The following SPIRE1 variants were observed in gnomAD, a reference collection of about 807,000 sequenced individuals.
SPIRE1 encodes the protein spire type actin nucleation factor 1.
Under a neutral mutation model 94.1 loss-of-function variants are expected in SPIRE1, and 40 were observed. The ratio of observed to expected loss-of-function variants is 0.43; its 90% CI spans 0.33 to 0.55. The LOEUF (loss-of-function observed/expected upper bound fraction) is 0.55, where lower values mean the gene tolerates loss of function less well. Ranked by LOEUF, SPIRE1 falls within the 20% of genes least tolerant of loss-of-function variation. The pLI is 0.06. For missense variants in SPIRE1, 838 were observed against 975.2 expected (o/e 0.86, Z 1.87); for synonymous variants, 376 against 371.7 (o/e 1.01, Z -0.13).
At chr18:12,643,582 T>A (rs1463740237) in intron 1 of SPIRE1, among the ~76,000 whole-genome samples, 1 of 152,018 alleles carries the variant, frequency 6.6e-6, no homozygotes, top group Non-Finnish European at 1.5e-5. Context: ...AAGCCCTAAT[T>A]CCCTTTAGTT....
intron 13 of SPIRE1, 25 bp from the exon 14 acceptor site, chr18:12,453,163 A>C: frequency 1.9e-6 from 3 of 1,557,746 alleles, no homozygotes; most frequent in Non-Finnish European, 8.7e-7. Flanking sequence ...TTTAAGAGGA[A>C]AAAAAACATT....
Position 12,636,156 on chromosome 18 carries a change from G to A in SPIRE1, c.338-1060C>T, listed in dbSNP as rs555557205. 3.3e-5 allele frequency among the ~76,000 whole-genome samples: 5 copies of A among 152,248 alleles called. No individual in the cohort carries two copies. In the South Asian group the frequency reaches 8.3e-4, roughly 25 times the overall value. On this transcript the variant is annotated intron_variant, in intron 1 of 16. Transcript: ENST00000409402. ...GATCTGCCTGCCTCGGCCTCCCAAAGTGCTGGGATTACAGGCGTGAGCCAC... is the reference window on the plus strand; with the variant it reads ...GATCTGCCTGCCTCGGCCTCCCAAAATGCTGGGATTACAGGCGTGAGCCAC...
At chr18:12,642,839 G>A (rs1185447624) in intron 1 of SPIRE1, among the ~76,000 whole-genome samples, 1 of 152,114 alleles carries the variant, frequency 6.6e-6, no homozygotes, top group African/African-American at 2.4e-5. Flanking sequence ...CCTAGATCAC[G>A]GGTTGACAGG....
intron 3 of SPIRE1, among the ~76,000 whole-genome samples, chr18:12,536,711 A>G (rs186941148): frequency 1.6e-4 from 24 of 152,316 alleles, no homozygotes; most frequent in Admixed American, 1.4e-3. Context: ...AGTATCATGC[A>G]AAGCAATTCA....
At chr18:12,605,414 G>A (rs1445151393) in intron 2 of SPIRE1, among the ~76,000 whole-genome samples, 1 of 152,178 alleles carries the variant, frequency 6.6e-6, no homozygotes, top group Non-Finnish European at 1.5e-5. Context: ...GCTGAGGCAG[G>A]GGAATCGCTT....
intron 10 of SPIRE1, among the ~76,000 whole-genome samples, chr18:12,465,176 T>G (rs1265415112): frequency 1.3e-5 from 2 of 152,064 alleles, no homozygotes; most frequent in East Asian, 1.9e-4. Context: ...AAACTGAGCA[T>G]GCTTCTTTCT....
Position 12,477,270 on chromosome 18 carries a change from C to T in SPIRE1, c.1404+2429G>A, listed in dbSNP as rs530554343. On this transcript the variant is annotated intron_variant, in intron 10 of 16. Transcript: ENST00000409402. ...TGCAGATTGGTGCCACCCAACCAAA[C>T]TCTGTGAAGGGACTGTGATCTGTGT... Among the ~76,000 whole-genome samples, 150 of 152,276 alleles carry T rather than the reference C, an allele frequency of 9.9e-4. 1 individual carries two copies. Among genetic ancestry groups the T allele is most frequent in the Non-Finnish European group, 1.8e-3 (124 of 68,028 alleles).
chr18:12,568,149 T>C (rs1281374437), intron 2 of SPIRE1, among the ~76,000 whole-genome samples: 2 of 152,226 alleles, frequency 1.3e-5, no homozygotes, highest in Non-Finnish European at 2.9e-5. Context: ...ACTTCAAGGA[T>C]GCTGGGGTTC....
chr18:12,464,724 T>C (rs896841927), intron 11 of SPIRE1, 144 bp downstream of exon 11: 29 of 630,858 alleles, frequency 4.6e-5, no homozygotes, highest in Non-Finnish European at 7.2e-5. Context: ...GGAAAATAAG[T>C]ATTTCATCTC....
intron 2 of SPIRE1, among the ~76,000 whole-genome samples, chr18:12,632,519 AC>A (rs1382999688): frequency 7.2e-5 from 11 of 152,114 alleles, no homozygotes; most frequent in Non-Finnish European, 1.3e-4. Flanking sequence ...TATCTTAATT[AC>A]CAAAGTAATA....
At chr18:12,581,488 C>T (rs765867536) in intron 2 of SPIRE1, among the ~76,000 whole-genome samples, 1 of 152,164 alleles carries the variant, frequency 6.6e-6, no homozygotes, top group Non-Finnish European at 1.5e-5. Flanking sequence ...AAAAGCCACA[C>T]TATTTTTACT....
chr18:12,656,927 A>G (rs942887163), intron 1 of SPIRE1, among the ~76,000 whole-genome samples: 2 of 152,238 alleles, frequency 1.3e-5, no homozygotes, highest in Non-Finnish European at 2.9e-5. Context: ...GGAGCCAAAA[A>G]TCACTATTTA....
chr18:12,658,300 TCGGGGGGCCCGGTCGCAAGGG>T (rs1221931981), upstream of SPIRE1: 1 of 442,686 alleles, frequency 2.3e-6, no homozygotes, highest in Admixed American at 2.4e-5. Context: ...TGACGCCCGG[TCGGGGGGCCCGGTCGCAAGGG>T]ACACACAGCT....
chr18:12,484,816 G>C (rs1190981745), intron 9 of SPIRE1, among the ~76,000 whole-genome samples: 1 of 152,158 alleles, frequency 6.6e-6, no homozygotes, highest in Non-Finnish European at 1.5e-5. Context: ...CTAGCACTTT[G>C]GGAGGCCAAG....
Position 12,496,035 on chromosome 18 carries a change from G to A in SPIRE1, c.1040C>T (p.Ser347Phe), listed in dbSNP as rs1567890239. ...AHEIILDFIR[S>F]RPPLNPVSAR... ...ACATACTGGATTTAAAGGAGGTCTGGATCTGATGAAGTCGAGGATGATTTC... is the reference window on the plus strand; with the variant it reads ...ACATACTGGATTTAAAGGAGGTCTGAATCTGATGAAGTCGAGGATGATTTC... Residue 347 changes from serine (S) to phenylalanine (F), a missense_variant, in exon 7 of 17, where the codon TCC becomes TTC. By Grantham distance (155) the Ser-to-Phe change is radical. Around this residue, in one of 2 missense-constraint regions of SPIRE1, gnomAD observed 645 missense variants for 804.7 expected, o/e 0.80. Transcript: ENST00000409402. 2 of 1,612,520 alleles carry A rather than the reference G, an allele frequency of 1.2e-6. No homozygotes were observed.
chr18:12,557,631 G>A (rs1328384531), intron 2 of SPIRE1, among the ~76,000 whole-genome samples: 2 of 152,182 alleles, frequency 1.3e-5, no homozygotes, highest in African/African-American at 2.4e-5. Context: ...CAAGTGCAGC[G>A]AGAGTGGATG....
intron 2 of SPIRE1, among the ~76,000 whole-genome samples, chr18:12,587,379 T>C (rs1377403186): frequency 1.3e-5 from 2 of 151,162 alleles, no homozygotes; most frequent in African/African-American, 2.4e-5. Flanking sequence ...AATAAGACAA[T>C]GCCAGAGTGA....
At chr18:12,473,575 T>C (rs977139244) in intron 10 of SPIRE1, among the ~76,000 whole-genome samples, 5 of 152,236 alleles carry the variant, frequency 3.3e-5, no homozygotes, top group African/African-American at 1.2e-4. Flanking sequence ...CAAATGGAAA[T>C]TGCTCATATT....
intron 4 of SPIRE1, among the ~76,000 whole-genome samples, chr18:12,530,081 C>A (rs972212748): frequency 1.3e-5 from 2 of 152,148 alleles, no homozygotes; most frequent in African/African-American, 4.8e-5. Flanking sequence ...AAAAGGCCTA[C>A]AGCATCCTCA....
Sources: allele counts gnomAD v4.1 joint callset (sites outside exome capture counted in the v4.1 genomes callset), GRCh38; gene constraint gnomAD v4.1.1; regional missense constraint gnomAD v4.1.1; transcripts MANE v1.5; gene names NCBI Gene and HGNC (gene_info 2026-07-23, HGNC 2026-07-21).